Variants in VMP1 observed in about 807,000 individuals in gnomAD.
VMP1 encodes the protein vacuole membrane protein 1, also known as ectopic P-granules autophagy protein 3 homolog.
Under a neutral mutation model 56.0 loss-of-function variants are expected in VMP1, and 11 were observed. That is an observed-to-expected ratio of 0.20 (90% CI 0.12 to 0.32). VMP1 has a LOEUF of 0.32. Among genes scored for constraint, VMP1 ranks in the 10% least tolerant of loss-of-function variants. VMP1 has a pLI of 1.00. For synonymous variants in VMP1, 149 were observed against 165.0 expected, an observed-to-expected ratio of 0.90 and a Z score of 0.74; for missense variants, 296 against 490.3, an observed-to-expected ratio of 0.60 and a Z score of 3.74.
At chr17:59,726,422 T>G (rs12945644) in intron 1 of VMP1, among the ~76,000 whole-genome samples, 3,021 of 152,002 alleles carry the variant, frequency 0.02, 49 homozygotes, top group Non-Finnish European at 0.032. Flanking sequence ...GCCTCCCGAG[T>G]AGCTGGGATT....
In VMP1 at chr17:59,784,100, A is replaced by AGTGT. The variant is rs536985526; in HGVS notation, c.714+10255_714+10258dup. ...AACTGCCAGAATACCCATCAAAAAG[A>AGTGT]GTGTGTGTGTGTGTGTGTGTGTGTG... On this transcript the variant is annotated intron_variant, in intron 7 of 11. Transcript: ENST00000262291. 3.6e-3 allele frequency among the ~76,000 whole-genome samples: 503 copies of AGTGT among 139,154 alleles called. 2 individuals are homozygous for AGTGT. Among genetic ancestry groups the AGTGT allele is most frequent in the African/African-American group, 7.4e-3 (272 of 36,540 alleles). 91.3% of individuals were successfully genotyped at this position (139,154 alleles called of 152,430 possible). A position where few individuals can be genotyped will look rare whatever the true frequency, so the allele number is the denominator to read the frequency against.
At chr17:59,742,147 G>A (rs1428182339) in intron 5 of VMP1, among the ~76,000 whole-genome samples, 1 of 152,058 alleles carries the variant, frequency 6.6e-6, no homozygotes, top group Non-Finnish European at 1.5e-5. Flanking sequence ...GCTGGTGCCC[G>A]TAGTTGAATG....
rs200069029 is a variant in VMP1 at position 59,839,920 on chromosome 17, A to G, written c.*9A>G. 9.4e-5 allele frequency: 151 copies of G among 1,608,906 alleles called. 1 individual carries two copies. In the East Asian group the frequency reaches 2.9e-3, roughly 31 times the overall value. ...AGGAGAAAACTAAATAAGTAGAGAAAGTTTTAAACTGCAGAAATTGGAGTG... is the reference window on the plus strand; with the variant it reads ...AGGAGAAAACTAAATAAGTAGAGAAGGTTTTAAACTGCAGAAATTGGAGTG... On this transcript the variant is annotated 3_prime_UTR_variant, in exon 12 of 12. Transcript: ENST00000262291.
chr17:59,745,341 C>T (rs930510104), intron 5 of VMP1, among the ~76,000 whole-genome samples: 1 of 152,168 alleles, frequency 6.6e-6, no homozygotes. Flanking sequence ...CCAAGCTAGT[C>T]AATAACCAAT....
chr17:59,834,492 C>T (rs1223251171), intron 10 of VMP1, among the ~76,000 whole-genome samples: 1 of 151,992 alleles, frequency 6.6e-6, no homozygotes, highest in Non-Finnish European at 1.5e-5. Flanking sequence ...CGGAGTCTAG[C>T]TTAGCTGCCC....
chr17:59,776,256 G>A (rs1454130798), intron 7 of VMP1, among the ~76,000 whole-genome samples: 2 of 152,000 alleles, frequency 1.3e-5, no homozygotes, highest in African/African-American at 2.4e-5. Flanking sequence ...ACCAAGTATG[G>A]TTATAGTTTT....
chr17:59,798,909 A>G (rs2037542798), intron 7 of VMP1, among the ~76,000 whole-genome samples: 1 of 152,104 alleles, frequency 6.6e-6, no homozygotes, highest in South Asian at 2.1e-4. Flanking sequence ...TAAAAAGAAA[A>G]AGCAAGATGT....
In VMP1 at chr17:59,840,309, C is replaced by T; in HGVS notation, c.*398C>T. On this transcript the variant is annotated 3_prime_UTR_variant, in exon 12 of 12. Transcript: ENST00000262291. ...AAATGATTGCTTTGTTTTCCTAAGT[C>T]ATCAAAATGTATATAAATTATCTAG... 5.3e-6 allele frequency: 1 copy of T among 189,394 alleles called. No individual in the cohort carries two copies. 11.7% of individuals were successfully genotyped at this position (189,394 alleles called of 1,614,324 possible). A position where few individuals can be genotyped will look rare whatever the true frequency, so the allele number is the denominator to read the frequency against.
chr17:59,777,064 T>C (rs941656710), intron 7 of VMP1, among the ~76,000 whole-genome samples: 1 of 152,204 alleles, frequency 6.6e-6, no homozygotes, highest in African/African-American at 2.4e-5. Flanking sequence ...AATAAGATTA[T>C]ATCAATTCCA....
intron 8 of VMP1, among the ~76,000 whole-genome samples, chr17:59,809,120 C>T (rs1447400119): frequency 6.6e-6 from 1 of 151,138 alleles, no homozygotes; most frequent in Non-Finnish European, 1.5e-5. Context: ...CTGTCTCAGC[C>T]TCCCTAGTAG....
intron 9 of VMP1, among the ~76,000 whole-genome samples, chr17:59,812,077 A>T (rs1238082938): frequency 6.6e-6 from 1 of 152,048 alleles, no homozygotes; most frequent in African/African-American, 2.4e-5. Context: ...ACCAAACAAA[A>T]ATAGTGTTTG....
At chr17:59,715,806 T>G (rs2034129065) in intron 1 of VMP1, among the ~76,000 whole-genome samples, 1 of 152,216 alleles carries the variant, frequency 6.6e-6, no homozygotes, top group Admixed American at 6.5e-5. Context: ...AAGTATGTAA[T>G]AGTCCAATTT....
chr17:59,801,114 G>A (rs9747639), intron 7 of VMP1, among the ~76,000 whole-genome samples: 35,379 of 65,850 alleles, frequency 0.54, 7,709 homozygotes, highest in Non-Finnish European at 0.6. Flanking sequence ...ATATATATAT[G>A]TGTGTGTGTG....
At chr17:59,752,631 G>A (rs72840522) in intron 5 of VMP1, among the ~76,000 whole-genome samples, 39,573 of 152,044 alleles carry the variant, frequency 0.26, 5,526 homozygotes, top group East Asian at 0.44. Context: ...CTGATGACAG[G>A]AAGATTTGGT....
At chr17:59,730,891 A>G (rs184078389) in intron 1 of VMP1, among the ~76,000 whole-genome samples, 13 of 152,238 alleles carry the variant, frequency 8.5e-5, no homozygotes, top group African/African-American at 3.1e-4. Flanking sequence ...TGTTTCCTAA[A>G]TAAAACTGGT....
chr17:59,831,065 G>A (rs768426434), intron 10 of VMP1, among the ~76,000 whole-genome samples: 1 of 152,194 alleles, frequency 6.6e-6, no homozygotes, highest in Non-Finnish European at 1.5e-5. Flanking sequence ...GACTCAAGCA[G>A]TCCTCCCACC....
chr17:59,804,279 A>T (rs2037771597), intron 7 of VMP1, among the ~76,000 whole-genome samples: 1 of 152,146 alleles, frequency 6.6e-6, no homozygotes, highest in African/African-American at 2.4e-5. Flanking sequence ...TAAAGCTGTT[A>T]AAACTATATA....
At chr17:59,827,572 G>A (rs1484367401) in intron 10 of VMP1, among the ~76,000 whole-genome samples, 1 of 151,180 alleles carries the variant, frequency 6.6e-6, no homozygotes, top group Non-Finnish European at 1.5e-5. Flanking sequence ...GCCTCCCAAA[G>A]TGCTGGGATT....
At chr17:59,713,332 A>G (rs1462730477) in intron 1 of VMP1, among the ~76,000 whole-genome samples, 1 of 152,102 alleles carries the variant, frequency 6.6e-6, no homozygotes, top group Non-Finnish European at 1.5e-5. Context: ...GCACACCAAC[A>G]TGGCACATGT....
Sources: allele counts gnomAD v4.1 joint callset (sites outside exome capture counted in the v4.1 genomes callset), GRCh38; gene constraint gnomAD v4.1.1; transcripts MANE v1.5; gene names NCBI Gene and HGNC (gene_info 2026-07-23, HGNC 2026-07-21).